The following SAMM50 variants were observed in gnomAD, a reference collection of about 807,000 sequenced individuals.
SAMM50 encodes SAMM50 sorting and assembly machinery component.
In SAMM50, 47 loss-of-function variants were observed where a neutral mutation model predicts 66.9. The observed-to-expected ratio is 0.70, with a 90% confidence interval of 0.56 to 0.90. SAMM50 has a LOEUF of 0.90. SAMM50 is among the 40% of genes least tolerant of loss of function. SAMM50 has a pLI of 0.00. For missense variants in SAMM50, 535 were observed against 595.3 expected, an observed-to-expected ratio of 0.90 and a Z score of 1.05; for synonymous variants, 191 against 214.1, an observed-to-expected ratio of 0.89 and a Z score of 0.94.
intron 13 of SAMM50, among the ~76,000 whole-genome samples, chr22:43,989,706 C>A (rs924400170): frequency 5.9e-5 from 9 of 152,206 alleles, no homozygotes; most frequent in Non-Finnish European, 1.3e-4. Flanking sequence ...AAAATTCTTA[C>A]AACAGCTAAC....
chr22:43,976,578 CT>C (rs1219457264), intron 8 of SAMM50, among the ~76,000 whole-genome samples, 171 bp from the exon 9 acceptor site: 1 of 152,200 alleles, frequency 6.6e-6, no homozygotes, highest in Non-Finnish European at 1.5e-5. Flanking sequence ...TCTCAGTGTC[CT>C]CCTATGTAAG....
At chr22:43,975,926 C>T in intron 7 of SAMM50, 129 bp from the exon 8 acceptor site, 14 of 900,472 alleles carry the variant, frequency 1.6e-5, no homozygotes, top group Middle Eastern at 2.6e-4. Context: ...CCCCTTCTCC[C>T]TCTCTCTCAT....
At chr22:43,996,213 C>A in intron 14 of SAMM50, 125 bp from the exon 15 acceptor site, 2 of 1,037,596 alleles carry the variant, frequency 1.9e-6, no homozygotes, top group Non-Finnish European at 3.0e-6. Context: ...GGCAGCCAGG[C>A]AGGAAGGCAG....
intron 12 of SAMM50, among the ~76,000 whole-genome samples, chr22:43,985,877 G>T (rs1377660549): frequency 4.0e-5 from 6 of 151,426 alleles, no homozygotes; most frequent in Non-Finnish European, 8.8e-5. Flanking sequence ...TGCGTGTTTT[G>T]TCTTATGACA....
chr22:43,981,427 C>T lies in SAMM50; in HGVS notation c.973C>T (p.Pro325Ser). Residue 325 changes from proline (P) to serine (S), a missense_variant, in exon 11 of 15, where the codon CCC (proline) becomes TCC (serine). Physicochemically the swap from Pro to Ser is moderately conservative, Grantham distance 74. Transcript: ENST00000350028. ...GTCTTTCTGGGGCGGAATGTTGGTA[C>T]CCATTGGTGATAAGCCGTCAAGCAT... Reference protein sequence around the residue: ...SASFWGGMLVPIGDKPSSIAD... With the variant: ...SASFWGGMLVSIGDKPSSIAD... 1 of 1,613,682 alleles carries T rather than the reference C, an allele frequency of 6.2e-7. No homozygotes were observed. Among genetic ancestry groups the T allele is most frequent in the Non-Finnish European group, 8.5e-7 (1 of 1,179,676 alleles).
intron 11 of SAMM50, 147 bp downstream of exon 11, chr22:43,981,608 T>G: frequency 6.9e-6 from 4 of 580,768 alleles, no homozygotes; most frequent in Non-Finnish European, 1.2e-5. Context: ...AGCTAATTTC[T>G]AAATATCGGG....
Position 43,972,297 on chromosome 22 carries a change from A to T in SAMM50, c.384A>T (p.Leu128Phe). 3 of 1,607,384 alleles carry T rather than the reference A, an allele frequency of 1.9e-6. No homozygotes were observed. Among genetic ancestry groups the T allele is most frequent in the Non-Finnish European group, 2.5e-6 (3 of 1,178,284 alleles). Residue 128 changes from leucine to phenylalanine, a missense_variant, in exon 5 of 15, where the codon TTA becomes TTT. Coordinates refer to ENST00000350028, the MANE Select transcript of SAMM50 (RefSeq NM_015380.5). ...VTFEVTELRR[L>F]TGSYNTMVGN... ...TTGAAGTAACTGAATTGAGGAGATT[A>T]ACGGGCAGTTATAACACCATGGTTG...
At chr22:43,993,661 T>A (rs976630343) in intron 14 of SAMM50, among the ~76,000 whole-genome samples, 3 of 152,136 alleles carry the variant, frequency 2.0e-5, no homozygotes, top group African/African-American at 7.2e-5. Context: ...GCACCCCGAG[T>A]GTGGAAGACA....
intron 1 of SAMM50, 50 bp downstream of exon 1, chr22:43,955,648 C>T (rs1235084193): frequency 1.3e-6 from 2 of 1,540,478 alleles, no homozygotes; most frequent in Non-Finnish European, 1.8e-6. Context: ...GCCAGCAGGG[C>T]AGACGGGCGC....
intron 8 of SAMM50, 121 bp downstream of exon 8, chr22:43,976,304 C>T (rs1603419424): frequency 3.4e-6 from 4 of 1,189,940 alleles, no homozygotes; most frequent in Middle Eastern, 4.1e-4. Context: ...GGGGTGTCCA[C>T]AGTGGCGGCC....
chr22:43,958,275 T>G (rs2050129790), intron 1 of SAMM50, among the ~76,000 whole-genome samples: 1 of 152,222 alleles, frequency 6.6e-6, no homozygotes. Context: ...TCTGTTTGCA[T>G]TTTCGTCTTA....
chr22:43,991,637 A>G (rs2050325616), intron 14 of SAMM50, among the ~76,000 whole-genome samples: 1 of 152,246 alleles, frequency 6.6e-6, no homozygotes, highest in East Asian at 1.9e-4. Flanking sequence ...TCAGGCTGCC[A>G]TCACAAAATA....
In SAMM50 at chr22:43,976,827, G is replaced by C; in HGVS notation, c.849+6G>C. 1 of 1,564,170 alleles carries C rather than the reference G, an allele frequency of 6.4e-7. No homozygotes were observed. On this transcript the variant is annotated splice_donor_region_variant and intron_variant, in intron 9 of 14. Coordinates refer to ENST00000350028, the MANE Select transcript of SAMM50 (RefSeq NM_015380.5). ...CTTTGCTGAAAGTTAACCAGGTAGTGTTGTTTCACCTGTGACCCCTGCAGG... is the reference window on the plus strand; with the variant it reads ...CTTTGCTGAAAGTTAACCAGGTAGTCTTGTTTCACCTGTGACCCCTGCAGG...
chr22:43,983,831 A>T lies in SAMM50; in HGVS notation c.1008-102A>T. ...CTTGTAAAAATGCTGTCGATAATCT[A>T]GTATCGAATGTGAGTCTGACATGTG... On this transcript the variant is annotated intron_variant, in intron 11 of 14. Transcript: ENST00000350028. This position sits in a 1 kb window ranked among gnomAD's most constrained non-coding sequence, Gnocchi z 4.2. The T allele has an allele frequency of 1.3e-6, 1 of 770,920 alleles. No homozygotes were observed. The highest frequency in any genetic ancestry group is 2.2e-6 in the Non-Finnish European group (1 of 459,916). 47.8% of individuals were successfully genotyped at this position (770,920 alleles called of 1,614,324 possible).
intron 3 of SAMM50, among the ~76,000 whole-genome samples, chr22:43,966,991 T>C (rs1187977029): frequency 6.6e-6 from 1 of 152,212 alleles, no homozygotes; most frequent in East Asian, 1.9e-4. Flanking sequence ...CCTTTGAATG[T>C]GTCTGTCCCT....
Position 43,984,808 on chromosome 22 carries a change from T to A in SAMM50, c.1075+808T>A, listed in dbSNP as rs147560509. Among the ~76,000 whole-genome samples the A allele has an allele frequency of 3.6e-3, 541 of 151,854 alleles. 4 individuals are homozygous for A. The highest frequency in any genetic ancestry group is 0.011 in the African/African-American group (467 of 41,362). ...CACGCCTGGCTAACTTTTTGTGTAT[T>A]TTTAGTAGAGACGGGGTTTCATTAT... is the stretch of plus-strand genomic sequence containing the variant. On this transcript the variant is annotated intron_variant, in intron 12 of 14. Transcript: ENST00000350028.
At chr22:43,958,702 C>T (rs2050132667) in intron 1 of SAMM50, among the ~76,000 whole-genome samples, 1 of 152,082 alleles carries the variant, frequency 6.6e-6, no homozygotes, top group Admixed American at 6.5e-5. Flanking sequence ...TGGTCTCAAT[C>T]TCCTGACCTT....
intron 8 of SAMM50, 102 bp downstream of exon 8, chr22:43,976,285 C>A: frequency 7.2e-7 from 1 of 1,394,218 alleles, no homozygotes; most frequent in South Asian, 1.3e-5. Flanking sequence ...TGAGAAGCGT[C>A]ACCCAGATGG....
chr22:43,977,939 A>G lies in SAMM50; in HGVS notation c.917A>G (p.Lys306Arg), dbSNP rs1195154078. 1.9e-6 allele frequency: 3 copies of G among 1,612,532 alleles called. No homozygotes were observed. The highest frequency in any genetic ancestry group is 1.7e-5 in the Admixed American group (1 of 59,942). ...GAAGATTTTGAACTTCAGTTGAACA[A>G]GCAACTCATATTTGATTCAGTGAGT... ...IKEDFELQLN[K>R]QLIFDSVFSA... Residue 306 changes from lysine (K) to arginine (R), a missense_variant, in exon 10 of 15, where the codon AAG becomes AGG. Physicochemically the swap from Lys to Arg is conservative, Grantham distance 26. Coordinates refer to ENST00000350028, the MANE Select transcript of SAMM50 (RefSeq NM_015380.5).
Sources: allele counts gnomAD v4.1 joint callset (sites outside exome capture counted in the v4.1 genomes callset), GRCh38; gene constraint gnomAD v4.1.1; non-coding constraint Gnocchi (gnomAD v3.1); transcripts MANE v1.5; gene names NCBI Gene and HGNC (gene_info 2026-07-23, HGNC 2026-07-21).